The following LINGO1 variants were observed in gnomAD, a reference collection of about 807,000 sequenced individuals.
The protein encoded by LINGO1 is leucine-rich repeat and immunoglobulin-like domain-containing nogo receptor-interacting protein 1.
Under a neutral mutation model 37.3 loss-of-function variants are expected in LINGO1, and 11 were observed. The observed-to-expected ratio is 0.29, with a 90% CI of 0.19 to 0.49. The LOEUF is 0.49. Among genes scored for constraint, LINGO1 ranks in the 20% least tolerant of loss-of-function variants. LINGO1 has a pLI of 0.99. For missense variants in LINGO1, 585 were observed against 878.2 expected, an observed-to-expected ratio of 0.67 and a Z score of 4.22; for synonymous variants, 387 against 403.0, an observed-to-expected ratio of 0.96 and a Z score of 0.48.
intron 2 of LINGO1, among the ~76,000 whole-genome samples, chr15:77,705,774 T>C (rs2141283501): frequency 6.6e-6 from 1 of 152,358 alleles, no homozygotes; most frequent in East Asian, 1.9e-4. Context: ...GCAGGGTGGC[T>C]GAGGCCTTCT....
In LINGO1 at chr15:77,631,512, C is replaced by G. The variant is rs557558066; in HGVS notation, c.6+798G>C. Among the ~76,000 whole-genome samples the G allele has an allele frequency of 6.6e-5, 10 of 152,330 alleles. No homozygotes were observed. The East Asian group carries it at 1.7e-3, about 26-fold the overall frequency. ...CCTCCTTCTCAAAGTGGGATCCGCC[C>G]GGAGGGTCACATCTCCTGGCATGCC... On this transcript the variant is annotated intron_variant, in intron 1 of 1. Transcript: ENST00000355300.
At chr15:77,739,688 G>C (rs1045497319) in intron 1 of LINGO1, among the ~76,000 whole-genome samples, 2 of 152,242 alleles carry the variant, frequency 1.3e-5, no homozygotes, top group African/African-American at 4.8e-5. Flanking sequence ...TGACAAGTTG[G>C]CTCAGTCCAC....
intron 2 of LINGO1, among the ~76,000 whole-genome samples, chr15:77,792,533 T>C (rs2076826163): frequency 6.6e-6 from 1 of 152,142 alleles, no homozygotes; most frequent in Non-Finnish European, 1.5e-5. Flanking sequence ...GCCTACTCCC[T>C]CTCCTCAGGC....
upstream of LINGO1, among the ~76,000 whole-genome samples, chr15:77,634,041 A>G (rs1448535327): frequency 6.6e-6 from 1 of 152,144 alleles, no homozygotes; most frequent in Non-Finnish European, 1.5e-5. Flanking sequence ...GAATACTCCT[A>G]ATAGCTTGAG....
intron 2 of LINGO1, among the ~76,000 whole-genome samples, chr15:77,714,817 T>C (rs2075963946): frequency 6.6e-6 from 1 of 152,088 alleles, no homozygotes; most frequent in Non-Finnish European, 1.5e-5. Context: ...CACTCCACTT[T>C]CCCCCAAACA....
chr15:77,763,137 G>C (rs11635700), intron 1 of LINGO1, among the ~76,000 whole-genome samples: 2 of 152,114 alleles, frequency 1.3e-5, no homozygotes, highest in African/African-American at 2.4e-5. Context: ...CATAATCCCC[G>C]TTTCTGTGGG....
chr15:77,755,485 C>T (rs1567565392), intron 1 of LINGO1, among the ~76,000 whole-genome samples: 2 of 152,232 alleles, frequency 1.3e-5, no homozygotes, highest in African/African-American at 4.8e-5. Context: ...TCACGCTGAG[C>T]AGGCCACTAC....
intron 3 of LINGO1, among the ~76,000 whole-genome samples, chr15:77,669,762 T>C: frequency 6.6e-6 from 1 of 152,226 alleles, no homozygotes; most frequent in Admixed American, 6.5e-5. Context: ...GCAAAGATAA[T>C]GCAACAGCGA....
chr15:77,716,463 C>T (rs2141302541), intron 2 of LINGO1, among the ~76,000 whole-genome samples: 1 of 149,386 alleles, frequency 6.7e-6, no homozygotes, highest in African/African-American at 2.4e-5. Context: ...CTCACTAGTC[C>T]TGCAGGGAGT....
upstream of LINGO1, among the ~76,000 whole-genome samples, chr15:77,697,059 A>G (rs1567529959): frequency 6.6e-6 from 1 of 152,214 alleles, no homozygotes; most frequent in African/African-American, 2.4e-5. Context: ...AGAGGAGCAG[A>G]GAGGAGGGCA....
intron 2 of LINGO1, among the ~76,000 whole-genome samples, chr15:77,726,014 T>C (rs28544452): frequency 0.11 from 17,021 of 152,248 alleles, 1,129 homozygotes; most frequent in African/African-American, 0.18. Flanking sequence ...TCAGAGCTTC[T>C]GCCAGCTGAG....
intron 2 of LINGO1, among the ~76,000 whole-genome samples, chr15:77,686,981 G>A (rs2075521638): frequency 1.3e-5 from 2 of 152,204 alleles, no homozygotes; most frequent in South Asian, 4.1e-4. Flanking sequence ...CAGCAGACTT[G>A]GCAGTGGGAA....
intron 1 of LINGO1, among the ~76,000 whole-genome samples, chr15:77,810,386 G>A (rs1359401438): frequency 6.6e-6 from 1 of 151,700 alleles, no homozygotes. Context: ...AGGAGAGGGA[G>A]AGGGACAGCG....
At chr15:77,623,371 C>G (rs540838330) in intron 1 of LINGO1, among the ~76,000 whole-genome samples, 1 of 152,326 alleles carries the variant, frequency 6.6e-6, no homozygotes, top group African/African-American at 2.4e-5. Flanking sequence ...AAATCCTGAC[C>G]CCAGTCCCTG....
chr15:77,772,659 T>C (rs2076597457), intron 1 of LINGO1, among the ~76,000 whole-genome samples: 1 of 151,798 alleles, frequency 6.6e-6, no homozygotes, highest in Non-Finnish European at 1.5e-5. Context: ...TATCATAAAT[T>C]GTCCTTCTCA....
rs1199836848 is a variant in LINGO1, at chr15:77,775,835, G to A, written c.-257+11034C>T. The stretch of plus-strand genomic sequence containing the variant: ...CCTGGGCCATAAGCCAGAGGCTGGA[G>A]GGTCTCCCCAAACCCCACACAGCAG... On this transcript the variant is annotated intron_variant, in intron 1 of 3. Transcript: ENST00000561686. Among the ~76,000 whole-genome samples the A allele has an allele frequency of 2.6e-5, 4 of 152,162 alleles. No homozygotes were observed. The East Asian group carries it at 7.7e-4, about 29-fold the overall frequency.
At chr15:77,689,626 T>G (rs113252548) in intron 2 of LINGO1, among the ~76,000 whole-genome samples, 147 of 152,242 alleles carry the variant, frequency 9.7e-4, no homozygotes, top group Non-Finnish European at 1.7e-3. Flanking sequence ...TAATTCTGTG[T>G]GTGAATTATG....
chr15:77,792,619 C>T (rs564768959), intron 2 of LINGO1, among the ~76,000 whole-genome samples: 47 of 152,320 alleles, frequency 3.1e-4, no homozygotes, highest in Admixed American at 1.5e-3. Context: ...AGAAGAGCTC[C>T]GATTTCATGC....
At chr15:77,706,711 G>A (rs2075856964) in intron 2 of LINGO1, among the ~76,000 whole-genome samples, 1 of 152,200 alleles carries the variant, frequency 6.6e-6, no homozygotes, top group African/African-American at 2.4e-5. Context: ...TATGCCAGAA[G>A]CCCATCCTGA....
Sources: gnomAD v4.1 joint callset for allele counts (sites outside exome capture counted in the v4.1 genomes callset) on GRCh38, gnomAD v4.1.1 for gene constraint, MANE v1.5 for transcripts, NCBI Gene and HGNC (gene_info 2026-07-23, HGNC 2026-07-21) for gene names.